The following ZNF20 variants were observed in gnomAD, a reference collection of about 807,000 sequenced individuals.
ZNF20 encodes the protein zinc finger protein 20, also known as zinc finger protein KOX13.
Under a neutral mutation model 11.0 loss-of-function variants are expected in ZNF20, and 9 were observed. The ratio of observed to expected loss-of-function variants is 0.82; its 90% CI spans 0.49 to 1.43. The LOEUF is 1.43. Ranked by LOEUF, ZNF20 falls within the 40% of genes most tolerant of loss-of-function variation. The pLI is 0.00. For missense variants in ZNF20, 528 were observed against 640.8 expected (o/e 0.82, Z 1.90); for synonymous variants, 182 against 213.0 (o/e 0.85, Z 1.27).
chr19:12,133,133 G>A lies in ZNF20; in HGVS notation c.1053C>T (p.Thr351=). 1 of 1,612,672 alleles carries A rather than the reference G, an allele frequency of 6.2e-7. No homozygotes were observed. Among genetic ancestry groups the A allele is most frequent in the Non-Finnish European group, 8.5e-7 (1 of 1,179,706 alleles). Residue 351 remains threonine (T), a synonymous_variant, in exon 4 of 4, where the codon ACC becomes ACT. Coordinates refer to ENST00000334213, the MANE Select transcript of ZNF20 (RefSeq NM_021143.4). ...CRQCGKAFRC[T]SDLQRHEKTH... ...TCTTTTCATGCCTTTGAAGGTCCGAGGTACATCTGAAGGCTTTACCACATT... is the reference window on the plus strand; with the variant it reads ...TCTTTTCATGCCTTTGAAGGTCCGAAGTACATCTGAAGGCTTTACCACATT...
intron 3 of ZNF20, among the ~76,000 whole-genome samples, chr19:12,135,278 T>G (rs1976692383): frequency 6.6e-6 from 1 of 152,156 alleles, no homozygotes; most frequent in Non-Finnish European, 1.5e-5. Flanking sequence ...TAGCTGGGAC[T>G]ACAGGCATGT....
rs1356617630 is a variant in ZNF20, at chr19:12,139,611, A to G, written c.3+569T>C. ...AGTGGCGTGATCTCGGCTCACTGCAACCTTCGTCTCCTGGGGTCATGCGAT... is the reference window on the plus strand; with the variant it reads ...AGTGGCGTGATCTCGGCTCACTGCAGCCTTCGTCTCCTGGGGTCATGCGAT... On this transcript the variant is annotated intron_variant, in intron 1 of 3. Coordinates refer to ENST00000334213, the MANE Select transcript of ZNF20 (RefSeq NM_021143.4). The surrounding 1 kb of genome is among the most constrained non-coding windows in gnomAD (Gnocchi z 4.0). Among the ~76,000 whole-genome samples the G allele has an allele frequency of 1.3e-5, 2 of 151,568 alleles. No homozygotes were observed. The highest frequency in any genetic ancestry group is 4.2e-4 in the South Asian group (2 of 4,806).
At chr19:12,134,582 G>A (rs894413228) in intron 3 of ZNF20, among the ~76,000 whole-genome samples, 2 of 152,098 alleles carry the variant, frequency 1.3e-5, no homozygotes, top group African/African-American at 4.8e-5. Flanking sequence ...AGTGGCAGTT[G>A]CAGTGAGCTA....
At chr19:12,135,330 C>A (rs531401956) in intron 3 of ZNF20, among the ~76,000 whole-genome samples, 170 bp downstream of exon 3, 1 of 152,038 alleles carries the variant, frequency 6.6e-6, no homozygotes, top group Non-Finnish European at 1.5e-5. Context: ...TTAGTAGAGA[C>A]AGGGTTTCAC....
intron 1 of ZNF20, chr19:12,137,100 T>C (rs941951969): frequency 1.0e-5 from 2 of 190,760 alleles, no homozygotes; most frequent in Admixed American, 1.3e-4. Context: ...AGGTGAGGAG[T>C]TCAAGACCAG....
At chr19:12,136,039 C>A in intron 1 of ZNF20, 135 bp from the exon 2 acceptor site, 1 of 1,198,810 alleles carries the variant, frequency 8.3e-7, no homozygotes, top group South Asian at 1.6e-5. Flanking sequence ...TACTTTCTGT[C>A]TATACTCACG....
At position 12,140,256 on chromosome 19, in the gene ZNF20, G is replaced by A; in HGVS notation, c.-74C>T. On this transcript the variant is annotated 5_prime_UTR_variant, in exon 1 of 4. Transcript: ENST00000334213. ...AGTGCGGGTCACGGTGCAGGCGGCA[G>A]AGCGACAGAAGTTGTGGCAGAGGGA... 1 of 1,568,498 alleles carries A rather than the reference G, an allele frequency of 6.4e-7. No homozygotes were observed. The highest frequency in any genetic ancestry group is 8.7e-7 in the Non-Finnish European group (1 of 1,155,470).
At chr19:12,136,831 T>A (rs1334145247) in intron 1 of ZNF20, 1 of 441,192 alleles carries the variant, frequency 2.3e-6, no homozygotes, top group Non-Finnish European at 4.5e-6. Flanking sequence ...CAGCCAATTA[T>A]GCAAGTGGTC....
intron 1 of ZNF20, 24 bp from the exon 2 acceptor site, chr19:12,135,928 G>C: frequency 6.2e-7 from 1 of 1,611,696 alleles, no homozygotes. Flanking sequence ...AAGAGGACAG[G>C]TAAGACTAAC....
chr19:12,140,114 C>T, intron 1 of ZNF20, 66 bp downstream of exon 1: 1 of 1,561,514 alleles, frequency 6.4e-7, no homozygotes, highest in Admixed American at 1.9e-5. Context: ...GATCCCACCA[C>T]AGCCGCTTCC....
At position 12,132,712 on chromosome 19, in the gene ZNF20, A is replaced by G; in HGVS notation, c.1474T>C (p.Tyr492His). ...TGAGTCCTTTCATGATATCGAATGT[A>G]ATTGGAAATAAAGGCCTTACCACAG... ...KHCGKAFISNYIRYHERTHTG... is the reference protein window; with the variant it reads ...KHCGKAFISNHIRYHERTHTG... The change falls in exon 4 of 4, where the codon TAC becomes CAC. Residue 492 changes from tyrosine to histidine, a missense_variant. Coordinates refer to ENST00000334213, the MANE Select transcript of ZNF20 (RefSeq NM_021143.4). 1 of 1,613,822 alleles carries G rather than the reference A, an allele frequency of 6.2e-7. No homozygotes were observed. The highest frequency in any genetic ancestry group is 8.5e-7 in the Non-Finnish European group (1 of 1,179,912).
rs777721366 is a variant in ZNF20, at chr19:12,135,904, T to C, written c.4A>G (p.Met2Val). 1 of 1,613,680 alleles carries C rather than the reference T, an allele frequency of 6.2e-7. No individual in the cohort carries two copies. Among genetic ancestry groups the C allele is most frequent in the Admixed American group, 1.7e-5 (1 of 59,872 alleles). M[M>V]FQDSVAFEDV... ...TCAAAGGCCACTGAATCCTGAAACA[T>C]CTCACATATATAAAAGAGGACAGGT... Residue 2 changes from methionine (M) to valine (V), a missense_variant and splice_region_variant, in exon 2 of 4, where the codon ATG (methionine) becomes GTG (valine). Physicochemically the swap from Met to Val is conservative, Grantham distance 21. Coordinates refer to ENST00000334213, the MANE Select transcript of ZNF20 (RefSeq NM_021143.4).
At chr19:12,138,571 G>A (rs1976749676) in intron 1 of ZNF20, among the ~76,000 whole-genome samples, 2 of 152,096 alleles carry the variant, frequency 1.3e-5, no homozygotes, top group South Asian at 4.2e-4. Context: ...TCTATTCTAT[G>A]TGAAATGTTC....
rs1052210577 is a variant in ZNF20, at chr19:12,132,394, G to T, written c.*193C>A. 1.6e-5 allele frequency: 9 copies of T among 561,912 alleles called. No individual in the cohort carries two copies. In the Admixed American group the frequency reaches 2.9e-4, roughly 18 times the overall value. 34.8% of individuals were successfully genotyped at this position (561,912 alleles called of 1,614,324 possible). On this transcript the variant is annotated 3_prime_UTR_variant, in exon 4 of 4. Transcript: ENST00000334213. ...CTTTTCTGTGCCTTTGAAATCTCATGCAAGATTGGCTATAGGTGAATTGTA... is the reference window on the plus strand; with the variant it reads ...CTTTTCTGTGCCTTTGAAATCTCATTCAAGATTGGCTATAGGTGAATTGTA...
In ZNF20 at chr19:12,132,593, A is replaced by G. The variant is rs1976639959; in HGVS notation, c.1593T>C (p.Asn531=). The change falls in exon 4 of 4, where the codon AAT becomes AAC. Residue 531 remains asparagine (N), a synonymous_variant. Coordinates refer to ENST00000334213, the MANE Select transcript of ZNF20 (RefSeq NM_021143.4). ...CREHERTHTI[N]R ...CTTCCACTAAAAGGATTTCTCATCT[A>G]TTAATGGTATGAGTTCTTTCATGTT... 3.2e-6 allele frequency: 5 copies of G among 1,580,614 alleles called. No homozygotes were observed. The highest frequency in any genetic ancestry group is 4.3e-6 in the Non-Finnish European group (5 of 1,166,528).
chr19:12,137,214 A>T (rs1976725563), intron 1 of ZNF20: 1 of 152,974 alleles, frequency 6.5e-6, no homozygotes, highest in Non-Finnish European at 1.5e-5. Context: ...AGGCAGGAGA[A>T]TCGCTTGAAC....
chr19:12,132,411 T>C lies in ZNF20; in HGVS notation c.*176A>G. On this transcript the variant is annotated 3_prime_UTR_variant, in exon 4 of 4. Coordinates refer to ENST00000334213, the MANE Select transcript of ZNF20 (RefSeq NM_021143.4). ...AATCTCATGCAAGATTGGCTATAGG[T>C]GAATTGTATTACGAAACCATCCAAG... 1 of 641,506 alleles carries C rather than the reference T, an allele frequency of 1.6e-6. No individual in the cohort carries two copies. The allele number at this position is 641,506 out of a possible 1,614,324, so 39.7% of individuals were successfully genotyped here.
intron 3 of ZNF20, 109 bp downstream of exon 3, chr19:12,135,391 C>T (rs1015674304): frequency 6.0e-5 from 68 of 1,132,730 alleles, no homozygotes; most frequent in Admixed American, 8.5e-5. Flanking sequence ...TCACCCACCT[C>T]GACCTCCCAA....
Position 12,133,566 on chromosome 19 carries a change from G to T in ZNF20, c.620C>A (p.Ala207Asp), listed in dbSNP as rs753192845. ...AAGACATAAATTGAGAAAATAGAAG[G>T]CTTTCCCACAAAACTTACATTTATA... ...GPYKCKFCGK[A>D]FYFLNLCLIH... is the part of the protein sequence containing the mutation. Residue 207 changes from alanine (A) to aspartate (D), a missense_variant, in exon 4 of 4, where the codon GCC (alanine) becomes GAC (aspartate). Ala to Asp is a moderately radical substitution (Grantham distance 126). Coordinates refer to ENST00000334213, the MANE Select transcript of ZNF20 (RefSeq NM_021143.4). 9 of 1,614,110 alleles carry T rather than the reference G, an allele frequency of 5.6e-6. No homozygotes were observed. Among genetic ancestry groups the T allele is most frequent in the East Asian group, 2.2e-5 (1 of 44,860 alleles).
Sources: gnomAD v4.1 joint callset for allele counts (sites outside exome capture counted in the v4.1 genomes callset) on GRCh38, gnomAD v4.1.1 for gene constraint, Gnocchi (gnomAD v3.1) non-coding constraint, MANE v1.5 for transcripts, NCBI Gene and HGNC (gene_info 2026-07-23, HGNC 2026-07-21) for gene names.